Variants in MEF2C observed in about 807,000 individuals in gnomAD.
MEF2C encodes myocyte-specific enhancer factor 2C.
MEF2C carries 6 observed loss-of-function variants against 50.5 expected under a neutral mutation model. The observed-to-expected ratio is 0.12, with a 90% CI of 0.07 to 0.23. The LOEUF is 0.23. Among genes scored for constraint, MEF2C ranks in the 10% least tolerant of loss-of-function variants. MEF2C has a pLI of 1.00. For missense variants in MEF2C, 276 were observed against 605.0 expected (o/e 0.46, Z 5.70); for synonymous variants, 183 against 228.0 (o/e 0.80, Z 1.78).
intron 3 of MEF2C, among the ~76,000 whole-genome samples, chr5:88,764,473 C>T (rs1779108226): frequency 6.6e-6 from 1 of 152,068 alleles, no homozygotes; most frequent in Non-Finnish European, 1.5e-5. Flanking sequence ...ATCTCTCTCA[C>T]TCATATGTAA....
chr5:88,822,178 G>C (rs1808714535), intron 2 of MEF2C, among the ~76,000 whole-genome samples: 1 of 151,892 alleles, frequency 6.6e-6, no homozygotes, highest in African/African-American at 2.4e-5. Flanking sequence ...AAGATATAAT[G>C]AATATCATAA....
intron 3 of MEF2C, among the ~76,000 whole-genome samples, chr5:88,767,839 G>C (rs771463860): frequency 4.6e-5 from 7 of 152,108 alleles, no homozygotes; most frequent in Non-Finnish European, 8.8e-5. Flanking sequence ...TGTCTTAAGG[G>C]CCACAAATTA....
chr5:88,732,550 T>C (rs879391772), intron 6 of MEF2C: 5 of 152,220 alleles, frequency 3.3e-5, no homozygotes, highest in Non-Finnish European at 7.3e-5. Context: ...GGAGCTGAAA[T>C]GAAGTGATGA....
At chr5:88,728,993 G>C (rs1451042632) in intron 9 of MEF2C, among the ~76,000 whole-genome samples, 1 of 152,098 alleles carries the variant, frequency 6.6e-6, no homozygotes, top group Non-Finnish European at 1.5e-5. Flanking sequence ...TCTTGAAAGT[G>C]TGTTTCTATT....
chr5:88,760,893 T>C, intron 4 of MEF2C: 1 of 1,377,274 alleles, frequency 7.3e-7, no homozygotes, highest in Non-Finnish European at 9.8e-7. Flanking sequence ...CTGTTTGACT[T>C]TCCGAAGAGT....
At chr5:88,790,352 C>T (rs1793164912) in intron 3 of MEF2C, among the ~76,000 whole-genome samples, 2 of 152,216 alleles carry the variant, frequency 1.3e-5, no homozygotes, top group African/African-American at 4.8e-5. Flanking sequence ...ATCCTTTCTA[C>T]TCCAGCAGCA....
Position 88,894,786 on chromosome 5 carries a change from T to A in MEF2C, c.-239-7188A>T, listed in dbSNP as rs968448970. 2.6e-5 allele frequency among the ~76,000 whole-genome samples: 4 copies of A among 152,246 alleles called. No homozygotes were observed. In the South Asian group the frequency reaches 8.3e-4, roughly 31 times the overall value. On this transcript the variant is annotated intron_variant, in intron 1 of 11. Coordinates refer to the MEF2C transcript ENST00000340208. ...ACTCGTAAAAGGTCTGGTATTTTTT[T>A]AAAAAAGTCATTTTCACTAAATTAA... is the stretch of plus-strand genomic sequence containing the variant.
At chr5:88,848,752 C>G (rs2153372044) in intron 1 of MEF2C, among the ~76,000 whole-genome samples, 1 of 152,262 alleles carries the variant, frequency 6.6e-6, no homozygotes, top group South Asian at 2.1e-4. Flanking sequence ...ATTTTCTATA[C>G]TAATGAATAA....
intron 3 of MEF2C, chr5:88,772,175 G>A (rs1323259347): frequency 6.6e-6 from 1 of 152,236 alleles, no homozygotes; most frequent in African/African-American, 2.4e-5. Flanking sequence ...CAGAAAAGCA[G>A]AGTATACACA....
chr5:88,743,265 A>T (rs1395009562), intron 6 of MEF2C: 14 of 984,822 alleles, frequency 1.4e-5, no homozygotes, highest in Non-Finnish European at 1.6e-5. Flanking sequence ...GCAACAAAAA[A>T]TGCAAACTTG....
At chr5:88,769,721 T>C (rs899297947) in intron 3 of MEF2C, among the ~76,000 whole-genome samples, 7 of 152,214 alleles carry the variant, frequency 4.6e-5, no homozygotes, top group Non-Finnish European at 1.0e-4. Context: ...CTCAGCTCAC[T>C]GCAACCTCTG....
Position 88,729,444 on chromosome 5 carries a change from G to T in MEF2C, c.835-97C>A, listed in dbSNP as rs1023835724. 6 of 1,099,850 alleles carry T rather than the reference G, an allele frequency of 5.5e-6. No homozygotes were observed. In the African/African-American group the frequency reaches 7.9e-5, roughly 14 times the overall value. The allele number at this position is 1,099,850 out of a possible 1,614,324, so 68.1% of individuals were successfully genotyped here. ...GTTTTCCACATAAAGAGATAACTTG[G>T]TACAAATCTCATGAAATTAATCATT... On this transcript the variant is annotated intron_variant, in intron 8 of 10. Coordinates refer to ENST00000504921, the MANE Select transcript of MEF2C (RefSeq NM_002397.5).
At chr5:88,731,941 A>T (rs372868426) in intron 6 of MEF2C, 40 bp from the exon 7 acceptor site, 1 of 1,569,296 alleles carries the variant, frequency 6.4e-7, no homozygotes, top group Non-Finnish European at 8.7e-7. Context: ...GAAGAAATCT[A>T]GGTCAAATAC....
chr5:88,815,818 T>G (rs1218451757), intron 2 of MEF2C, among the ~76,000 whole-genome samples: 1 of 152,026 alleles, frequency 6.6e-6, no homozygotes, highest in Non-Finnish European at 1.5e-5. Context: ...ATCTACAGTT[T>G]GGAAGAAACT....
intron 2 of MEF2C, among the ~76,000 whole-genome samples, chr5:88,815,955 A>G (rs961059491): frequency 6.6e-6 from 1 of 152,076 alleles, no homozygotes; most frequent in Non-Finnish European, 1.5e-5. Flanking sequence ...TGGTGTGTGC[A>G]TGCATTCCCA....
intron 1 of MEF2C, among the ~76,000 whole-genome samples, chr5:88,851,564 C>G (rs1173288037): frequency 6.6e-6 from 1 of 151,968 alleles, no homozygotes; most frequent in Non-Finnish European, 1.5e-5. Context: ...TAAACCCACT[C>G]AATATAAACA....
chr5:88,829,040 T>A (rs1318460255), intron 1 of MEF2C, among the ~76,000 whole-genome samples: 1 of 152,034 alleles, frequency 6.6e-6, no homozygotes, highest in Non-Finnish European at 1.5e-5. Context: ...TTCCACTAGA[T>A]AAATACCATC....
At chr5:88,739,027 C>A in intron 6 of MEF2C, 1 of 981,036 alleles carries the variant, frequency 1.0e-6, no homozygotes, top group Non-Finnish European at 1.2e-6. Context: ...AATCTTCTCC[C>A]CTGTAATATA....
At chr5:88,732,751 G>A (rs1443095222) in intron 6 of MEF2C, among the ~76,000 whole-genome samples, 1 of 152,196 alleles carries the variant, frequency 6.6e-6, no homozygotes, top group Admixed American at 6.5e-5. Context: ...AATGCCAGCA[G>A]AGCTGGCATG....
Sources: gnomAD v4.1 joint callset for allele counts (sites outside exome capture counted in the v4.1 genomes callset) on GRCh38, gnomAD v4.1.1 for gene constraint, MANE v1.5 for transcripts, NCBI Gene and HGNC (gene_info 2026-07-23, HGNC 2026-07-21) for gene names.